The following PRKCH variants were observed in gnomAD, a reference collection of about 807,000 sequenced individuals.
PRKCH encodes the protein protein kinase C eta, also known as protein kinase C eta type.
PRKCH carries 28 observed loss-of-function variants against 82.5 expected under a neutral mutation model. The observed-to-expected ratio is 0.34, with a 90% confidence interval of 0.25 to 0.47. The LOEUF (loss-of-function observed/expected upper bound fraction) is 0.47, where lower values mean the gene tolerates loss of function less well. Ranked by LOEUF, PRKCH falls within the 20% of genes least tolerant of loss-of-function variation. The pLI, the probability that PRKCH is intolerant of heterozygous loss-of-function variation, is 1.00. For missense variants in PRKCH, 705 were observed against 881.8 expected (o/e 0.80, Z 2.54); for synonymous variants, 322 against 327.4 (o/e 0.98, Z 0.18).
At chr14:61,290,817 G>T (rs10146443) in intron 1 of PRKCH, among the ~76,000 whole-genome samples, 4,920 of 152,226 alleles carry the variant, frequency 0.032, 278 homozygotes, top group African/African-American at 0.11. Context: ...AAAAAAAAGA[G>T]AGAGATTAAA....
chr14:61,355,708 C>T (rs1391461572), intron 1 of PRKCH, among the ~76,000 whole-genome samples: 2 of 152,134 alleles, frequency 1.3e-5, no homozygotes, highest in East Asian at 1.9e-4. Context: ...GGTTGCTTCA[C>T]GGGTGGCTTC....
chr14:61,341,996 A>AAGGG (rs1239862164), intron 1 of PRKCH, among the ~76,000 whole-genome samples: 1 of 152,008 alleles, frequency 6.6e-6, no homozygotes, highest in African/African-American at 2.4e-5. Context: ...AGGCATGAGA[A>AAGGG]AGGGTTCTCC....
intron 1 of PRKCH, among the ~76,000 whole-genome samples, chr14:61,347,707 C>T (rs879906178): frequency 6.6e-6 from 1 of 152,176 alleles, no homozygotes; most frequent in Non-Finnish European, 1.5e-5. Flanking sequence ...TTTTTACACA[C>T]TAAAGCCTAA....
chr14:61,205,569 G>A (rs534160097), intron 1 of PRKCH, among the ~76,000 whole-genome samples: 1 of 152,310 alleles, frequency 6.6e-6, no homozygotes, highest in South Asian at 2.1e-4. Context: ...GAGTTGACCT[G>A]TGTGAGGTGA....
intron 12 of PRKCH, among the ~76,000 whole-genome samples, chr14:61,539,562 C>T (rs984907681): frequency 1.3e-5 from 2 of 152,304 alleles, no homozygotes; most frequent in East Asian, 3.9e-4. Flanking sequence ...CCCACATGCC[C>T]ACTTCCTCCA....
chr14:61,284,893 C>A (rs2045301157), intron 1 of PRKCH, among the ~76,000 whole-genome samples: 1 of 152,044 alleles, frequency 6.6e-6, no homozygotes, highest in Non-Finnish European at 1.5e-5. Flanking sequence ...AAGATATACA[C>A]ACAATTATTC....
At chr14:61,313,774 G>T (rs988128838) in intron 1 of PRKCH, among the ~76,000 whole-genome samples, 1 of 151,670 alleles carries the variant, frequency 6.6e-6, no homozygotes, top group South Asian at 2.1e-4. Context: ...TTATATAAAC[G>T]TCAGATCCCA....
intron 1 of PRKCH, among the ~76,000 whole-genome samples, chr14:61,256,822 T>A (rs2045001958): frequency 6.6e-6 from 1 of 152,210 alleles, no homozygotes; most frequent in Admixed American, 6.5e-5. Flanking sequence ...ATCTGCTAAA[T>A]CTATCTGCTT....
chr14:61,233,187 A>G (rs1431914367), intron 1 of PRKCH, among the ~76,000 whole-genome samples: 1 of 152,150 alleles, frequency 6.6e-6, no homozygotes, highest in Non-Finnish European at 1.5e-5. Flanking sequence ...TCCAAAAGCC[A>G]GAGTGTCAGC....
chr14:61,241,306 TC>T (rs1247744086), intron 1 of PRKCH, among the ~76,000 whole-genome samples: 4 of 152,152 alleles, frequency 2.6e-5, no homozygotes, highest in Non-Finnish European at 5.9e-5. Context: ...TATCCAGAAG[TC>T]CCCTGAACCC....
At chr14:61,460,846 T>C (rs1247618266) in intron 9 of PRKCH, among the ~76,000 whole-genome samples, 2 of 152,194 alleles carry the variant, frequency 1.3e-5, no homozygotes, top group Non-Finnish European at 2.9e-5. Context: ...TGCATTCCTC[T>C]AACTGTGAGT....
At chr14:61,220,263 T>A (rs2044645611) in intron 1 of PRKCH, among the ~76,000 whole-genome samples, 1 of 152,194 alleles carries the variant, frequency 6.6e-6, no homozygotes, top group Non-Finnish European at 1.5e-5. Context: ...GGGAGCACAG[T>A]CTTCCTAGCA....
chr14:61,194,156 C>A (rs2044426068), intron 1 of PRKCH, among the ~76,000 whole-genome samples: 1 of 152,028 alleles, frequency 6.6e-6, no homozygotes, highest in South Asian at 2.1e-4. Context: ...TTTAGTTATT[C>A]TTTTGTGGTT....
In PRKCH at chr14:61,280,002, T is replaced by C. The variant is rs1455491776; in HGVS notation, c.-19+92334T>C. 7.0e-6 allele frequency: 8 copies of C among 1,137,800 alleles called. No individual in the cohort carries two copies. The highest frequency in any genetic ancestry group is 1.6e-5 in the African/African-American group (1 of 63,260). The allele number at this position is 1,137,800 out of a possible 1,614,324, so 70.5% of individuals were successfully genotyped here. A position where few individuals can be genotyped will look rare whatever the true frequency, so the allele number is the denominator to read the frequency against. On this transcript the variant is annotated intron_variant, in intron 1 of 3. Transcript: ENST00000555185. The surrounding 1 kb of genome is among the most constrained non-coding windows in gnomAD (Gnocchi z 5.0). Reference sequence around the variant, plus strand: ...CAAAGGGAGGAAAAGCTAGGCGAGGTTGGAATTGGGTGACGGGCGAGGAGG... The same window carrying C: ...CAAAGGGAGGAAAAGCTAGGCGAGGCTGGAATTGGGTGACGGGCGAGGAGG...
intron 1 of PRKCH, among the ~76,000 whole-genome samples, chr14:61,227,995 A>G (rs2044711073): frequency 6.6e-6 from 1 of 152,218 alleles, no homozygotes; most frequent in Admixed American, 6.5e-5. Context: ...CCAGGTTTCC[A>G]TCAGTAATAA....
chr14:61,194,186 T>C (rs921359141), intron 1 of PRKCH, among the ~76,000 whole-genome samples: 4 of 152,274 alleles, frequency 2.6e-5, no homozygotes, highest in Non-Finnish European at 5.9e-5. Context: ...ATTATAAATA[T>C]GCATCCTTGA....
intron 6 of PRKCH, among the ~76,000 whole-genome samples, chr14:61,452,039 C>T (rs1884535696): frequency 6.6e-6 from 1 of 152,174 alleles, no homozygotes; most frequent in African/African-American, 2.4e-5. Context: ...GTGGGAAATC[C>T]CTTTCTGCCT....
At chr14:61,463,666 T>C (rs1429358311) in intron 9 of PRKCH, among the ~76,000 whole-genome samples, 1 of 152,182 alleles carries the variant, frequency 6.6e-6, no homozygotes, top group East Asian at 1.9e-4. Flanking sequence ...AAGAATAAAA[T>C]GTTATTCATA....
Position 61,549,908 on chromosome 14 carries a change from T to C in PRKCH, c.*77T>C, listed in dbSNP as rs1226471587. ...CTCCAGGAATTTCCTCTATGGGACC[T>C]TCCCAGCATCAGCCTTAGAACAAGA... On this transcript the variant is annotated 3_prime_UTR_variant, in exon 14 of 14. Coordinates refer to ENST00000332981, the MANE Select transcript of PRKCH (RefSeq NM_006255.5). 6.1e-6 allele frequency: 9 copies of C among 1,483,876 alleles called. No homozygotes were observed. The highest frequency in any genetic ancestry group is 8.2e-6 in the Non-Finnish European group (9 of 1,093,512). 91.9% of individuals were successfully genotyped at this position (1,483,876 alleles called of 1,614,324 possible).
Sources: gnomAD v4.1 joint callset for allele counts (sites outside exome capture counted in the v4.1 genomes callset) on GRCh38, gnomAD v4.1.1 for gene constraint, Gnocchi (gnomAD v3.1) non-coding constraint, MANE v1.5 for transcripts, NCBI Gene and HGNC (gene_info 2026-07-23, HGNC 2026-07-21) for gene names.